The following PTPRG variants were observed in gnomAD, a reference collection of about 807,000 sequenced individuals.
The protein encoded by PTPRG is receptor-type tyrosine-protein phosphatase gamma.
A neutral mutation model predicts 165.3 loss-of-function variants in PTPRG; 102 were observed. The observed-to-expected ratio is 0.62, with a 90% CI of 0.53 to 0.73. The LOEUF (loss-of-function observed/expected upper bound fraction) is 0.73, where lower values mean the gene tolerates loss of function less well. PTPRG is among the 30% of genes least tolerant of loss of function. PTPRG has a pLI of 0.00. For missense variants in PTPRG, 1,866 were observed against 1,861.4 expected, an observed-to-expected ratio of 1.00 and a Z score of -0.05; for synonymous variants, 675 against 669.5, an observed-to-expected ratio of 1.01 and a Z score of -0.13.
intron 1 of PTPRG, among the ~76,000 whole-genome samples, chr3:61,680,518 AC>A (rs775376946): frequency 0.14 from 10,523 of 76,752 alleles, 1,798 homozygotes; most frequent in South Asian, 0.28. Context: ...AAAAAAAAAA[AC>A]ACAAAAAAAC....
chr3:61,618,566 T>C (rs1701363604), intron 1 of PTPRG, among the ~76,000 whole-genome samples: 1 of 152,180 alleles, frequency 6.6e-6, no homozygotes, highest in South Asian at 2.1e-4. Flanking sequence ...TTAGTATTGG[T>C]TTGCAGAAGT....
intron 4 of PTPRG, among the ~76,000 whole-genome samples, chr3:62,023,392 T>C (rs762892197): frequency 8.5e-5 from 13 of 152,286 alleles, no homozygotes; most frequent in Non-Finnish European, 1.5e-4. Flanking sequence ...TCTCTCTGTG[T>C]ATATTTGCAA....
chr3:61,696,443 A>T (rs553523668), intron 1 of PTPRG, among the ~76,000 whole-genome samples: 1 of 152,316 alleles, frequency 6.6e-6, no homozygotes, highest in South Asian at 2.1e-4. Context: ...CGAAGGTTGC[A>T]TTGAGCTGAG....
Position 62,218,979 on chromosome 3 carries a change from T to C in PTPRG, c.2284T>C (p.Trp762Arg), listed in dbSNP as rs985370289. Reference protein sequence around the residue: ...LILLIAVLVYWRGCNKIKSKG... With the variant: ...LILLIAVLVYRRGCNKIKSKG... ...CCTTCTCATTGCTGTGCTCGTTTAC[T>C]GGAGGTAAGCCAGGCAGCACCTACA... The change falls in exon 13 of 30, where the codon TGG becomes CGG. Residue 762 changes from tryptophan (W) to arginine (R), a missense_variant. Coordinates refer to ENST00000474889, the MANE Select transcript of PTPRG (RefSeq NM_002841.4). 6.2e-7 allele frequency: 1 copy of C among 1,613,702 alleles called. No individual in the cohort carries two copies. The highest frequency in any genetic ancestry group is 8.5e-7 in the Non-Finnish European group (1 of 1,179,892).
At chr3:61,930,774 G>A (rs1364784209) in intron 2 of PTPRG, among the ~76,000 whole-genome samples, 1 of 152,174 alleles carries the variant, frequency 6.6e-6, no homozygotes, top group Admixed American at 6.5e-5. Flanking sequence ...AAAGAAGGCA[G>A]TGCGGCCAGG....
intron 1 of PTPRG, among the ~76,000 whole-genome samples, chr3:61,564,376 G>A (rs1200406474): frequency 1.3e-5 from 2 of 152,170 alleles, no homozygotes; most frequent in East Asian, 1.9e-4. Flanking sequence ...CAGTCAGTGG[G>A]CTGACCGTGG....
At chr3:62,208,338 A>G (rs187179603) in intron 12 of PTPRG, among the ~76,000 whole-genome samples, 73 of 152,366 alleles carry the variant, frequency 4.8e-4, no homozygotes, top group African/African-American at 1.7e-3. Context: ...GGTACTATGC[A>G]GTACAGCATA....
chr3:61,580,213 A>G lies in PTPRG; in HGVS notation c.85+17841A>G, dbSNP rs570443009. 7.0e-4 allele frequency among the ~76,000 whole-genome samples: 107 copies of G among 152,192 alleles called. 1 individual carries two copies. The highest frequency in any genetic ancestry group is 2.5e-3 in the African/African-American group (105 of 41,534). On this transcript the variant is annotated intron_variant, in intron 1 of 29. Transcript: ENST00000474889. ...TCCCAGCTACTCTGGAGGCTGAGGC[A>G]GGAGGATTGTCGGAGCCCAGGAGTT...
Position 61,836,351 on chromosome 3 carries a change from G to A in PTPRG, c.190+87369G>A, listed in dbSNP as rs563857773. On this transcript the variant is annotated intron_variant, in intron 2 of 29. Transcript: ENST00000474889. The stretch of plus-strand genomic sequence containing the variant: ...TCTGAGTGTGTAGTACATAGTAAGT[G>A]CTTGAAAGTGGTTGAAGTAATGCAG... 1.5e-4 allele frequency among the ~76,000 whole-genome samples: 23 copies of A among 152,258 alleles called. No individual in the cohort carries two copies. The East Asian group carries it at 4.2e-3, about 28-fold the overall frequency.
chr3:62,128,641 C>A (rs1235921720), intron 5 of PTPRG, among the ~76,000 whole-genome samples: 1 of 150,676 alleles, frequency 6.6e-6, no homozygotes, highest in Admixed American at 6.7e-5. Flanking sequence ...GAGACTGTAT[C>A]CCCATTTCAC....
At chr3:62,180,511 G>T (rs1705604247) in intron 8 of PTPRG, among the ~76,000 whole-genome samples, 1 of 152,174 alleles carries the variant, frequency 6.6e-6, no homozygotes, top group Non-Finnish European at 1.5e-5. Context: ...GCACCACGAG[G>T]GAAGGATGCT....
chr3:61,862,423 C>T (rs547256278), intron 2 of PTPRG, among the ~76,000 whole-genome samples: 31 of 150,292 alleles, frequency 2.1e-4, no homozygotes, highest in African/African-American at 6.4e-4. Flanking sequence ...CTGTTGTTGC[C>T]CAGGCTGGAG....
At chr3:61,733,945 A>G (rs1236205898) in intron 1 of PTPRG, among the ~76,000 whole-genome samples, 1 of 152,124 alleles carries the variant, frequency 6.6e-6, no homozygotes, top group Non-Finnish European at 1.5e-5. Context: ...TTACAGGTGC[A>G]TATCACCATA....
chr3:62,152,882 A>G (rs1294752226), intron 6 of PTPRG, among the ~76,000 whole-genome samples: 1 of 152,220 alleles, frequency 6.6e-6, no homozygotes, highest in Admixed American at 6.5e-5. Flanking sequence ...GGCAGGCAGA[A>G]TATGACCGAA....
In PTPRG at chr3:62,273,082, G is replaced by A; in HGVS notation, c.3318+1G>A. On this transcript the variant is annotated splice_donor_variant, in intron 22 of 29. Coordinates refer to ENST00000474889, the MANE Select transcript of PTPRG (RefSeq NM_002841.4). LOFTEE classifies it high-confidence loss of function. This position sits in a 1 kb window ranked among gnomAD's most constrained non-coding sequence, Gnocchi z 4.1. Reference sequence around the variant, plus strand: ...GCGTAACTACCTCGTCCAGACTGAGGTAAGGAGTAGCTGCCAGCGTCCTCA... The same window carrying A: ...GCGTAACTACCTCGTCCAGACTGAGATAAGGAGTAGCTGCCAGCGTCCTCA... The A allele has an allele frequency of 1.2e-6, 2 of 1,605,682 alleles. No individual in the cohort carries two copies. The highest frequency in any genetic ancestry group is 1.7e-6 in the Non-Finnish European group (2 of 1,177,138).
At chr3:61,720,871 T>C (rs939573304) in intron 1 of PTPRG, among the ~76,000 whole-genome samples, 4 of 152,252 alleles carry the variant, frequency 2.6e-5, no homozygotes, top group Non-Finnish European at 5.9e-5. Context: ...CTGGCCATTA[T>C]AACTTAGACG....
intron 2 of PTPRG, among the ~76,000 whole-genome samples, chr3:61,843,316 G>A (rs892291537): frequency 4.6e-5 from 7 of 152,144 alleles, no homozygotes; most frequent in African/African-American, 1.4e-4. Flanking sequence ...TTAAAACAGT[G>A]TGGTACTGCC....
chr3:61,664,932 A>G (rs1172362560), intron 1 of PTPRG, among the ~76,000 whole-genome samples: 1 of 152,210 alleles, frequency 6.6e-6, no homozygotes, highest in Admixed American at 6.5e-5. Flanking sequence ...AATTTAAGGA[A>G]CTGGACATCC....
chr3:61,712,697 C>T (rs1338315195), intron 1 of PTPRG, among the ~76,000 whole-genome samples: 1 of 152,194 alleles, frequency 6.6e-6, no homozygotes, highest in Non-Finnish European at 1.5e-5. Flanking sequence ...GTCAATTAAA[C>T]CTCCTCTCTT....
Sources: gnomAD v4.1 joint callset for allele counts (sites outside exome capture counted in the v4.1 genomes callset) on GRCh38, gnomAD v4.1.1 for gene constraint, Gnocchi (gnomAD v3.1) non-coding constraint, MANE v1.5 for transcripts, NCBI Gene and HGNC (gene_info 2026-07-23, HGNC 2026-07-21) for gene names.